Variants in FRMD5 observed in about 807,000 individuals in gnomAD.
FRMD5 encodes the protein FERM domain-containing protein 5.
Under a neutral mutation model 69.0 loss-of-function variants are expected in FRMD5, and 20 were observed. The ratio of observed to expected loss-of-function variants is 0.29; its 90% CI spans 0.20 to 0.42. FRMD5 has a LOEUF of 0.42. Ranked by LOEUF, FRMD5 falls within the 10% of genes least tolerant of loss-of-function variation. The pLI is 1.00. For missense variants in FRMD5, 595 were observed against 708.6 expected, an observed-to-expected ratio of 0.84 and a Z score of 1.82; for synonymous variants, 271 against 260.1, an observed-to-expected ratio of 1.04 and a Z score of -0.40.
At position 44,075,324 on chromosome 15, in the gene FRMD5, A is replaced by G. The variant is rs149465928; in HGVS notation, c.102+119629T>C. ...AACTGGAAATTCTAAAGTGGTGCCAATTTTGAAGGAAAATGAATAAATTTC... is the reference window on the plus strand; with the variant it reads ...AACTGGAAATTCTAAAGTGGTGCCAGTTTTGAAGGAAAATGAATAAATTTC... On this transcript the variant is annotated intron_variant, in intron 1 of 13. Transcript: ENST00000417257. Among the ~76,000 whole-genome samples, 132 of 152,262 alleles carry G rather than the reference A, an allele frequency of 8.7e-4. 4 individuals carry two copies. The East Asian group carries it at 0.025, about 29-fold the overall frequency.
chr15:44,081,203 T>C (rs945973647), intron 1 of FRMD5, among the ~76,000 whole-genome samples: 1 of 152,122 alleles, frequency 6.6e-6, no homozygotes, highest in Non-Finnish European at 1.5e-5. Flanking sequence ...AAAAAATTCA[T>C]TACACTCCAT....
At chr15:44,058,106 C>T (rs1375608215) in intron 1 of FRMD5, among the ~76,000 whole-genome samples, 1 of 152,146 alleles carries the variant, frequency 6.6e-6, no homozygotes, top group African/African-American at 2.4e-5. Flanking sequence ...CCAAATCTCA[C>T]AAATCCAATA....
At chr15:44,136,774 G>A (rs2077193221) in intron 1 of FRMD5, among the ~76,000 whole-genome samples, 1 of 152,142 alleles carries the variant, frequency 6.6e-6, no homozygotes, top group South Asian at 2.1e-4. Context: ...ATCAATAATG[G>A]TTTTACATAC....
chr15:43,906,869 G>A (rs1182775505), intron 5 of FRMD5, among the ~76,000 whole-genome samples: 1 of 152,014 alleles, frequency 6.6e-6, no homozygotes, highest in East Asian at 1.9e-4. Context: ...CCAAAGTGCT[G>A]GGATTACAGG....
chr15:44,178,961 C>G (rs1344808981), intron 1 of FRMD5, among the ~76,000 whole-genome samples: 1 of 151,266 alleles, frequency 6.6e-6, no homozygotes, highest in Admixed American at 6.6e-5. Flanking sequence ...CACTGTACTC[C>G]AGCCTGGGCA....
chr15:44,064,225 C>A (rs971885493), intron 1 of FRMD5: 2 of 176,640 alleles, frequency 1.1e-5, no homozygotes, highest in Non-Finnish European at 2.4e-5. Context: ...CTCCCACCAC[C>A]ACTGTGTCTG....
At chr15:43,962,253 C>T (rs1321554429) in intron 1 of FRMD5, among the ~76,000 whole-genome samples, 1 of 152,146 alleles carries the variant, frequency 6.6e-6, no homozygotes, top group Non-Finnish European at 1.5e-5. Context: ...CATTCTTAAA[C>T]ACCAATAACA....
chr15:44,151,755 A>G (rs1194308815), intron 1 of FRMD5, among the ~76,000 whole-genome samples: 1 of 152,202 alleles, frequency 6.6e-6, no homozygotes, highest in Non-Finnish European at 1.5e-5. Flanking sequence ...TTTGGACTTC[A>G]TGAAAATTAT....
intron 1 of FRMD5, among the ~76,000 whole-genome samples, chr15:44,050,844 G>C (rs1387792672): frequency 6.6e-6 from 1 of 151,748 alleles, no homozygotes; most frequent in Non-Finnish European, 1.5e-5. Context: ...TTTTAGTAGA[G>C]ACGGGGTTTC....
chr15:44,130,634 C>T (rs2077085551), intron 1 of FRMD5, among the ~76,000 whole-genome samples: 1 of 152,160 alleles, frequency 6.6e-6, no homozygotes, highest in Non-Finnish European at 1.5e-5. Context: ...TCAGAAGGTA[C>T]ATATTTCTTC....
intron 1 of FRMD5, among the ~76,000 whole-genome samples, chr15:44,104,465 C>T (rs1001826158): frequency 6.6e-6 from 1 of 152,222 alleles, no homozygotes; most frequent in Non-Finnish European, 1.5e-5. Context: ...TCACCACTCA[C>T]TCACTGATTC....
At chr15:44,070,165 A>G (rs948785055) in intron 1 of FRMD5, among the ~76,000 whole-genome samples, 2 of 152,124 alleles carry the variant, frequency 1.3e-5, no homozygotes, top group African/African-American at 2.4e-5. Context: ...GGGTAAATTA[A>G]TGATACCTGA....
intron 1 of FRMD5, among the ~76,000 whole-genome samples, chr15:44,154,807 G>A (rs2077501297): frequency 6.6e-6 from 1 of 152,166 alleles, no homozygotes; most frequent in Non-Finnish European, 1.5e-5. Context: ...CAGCTAAGGG[G>A]TGCAGGGTTT....
chr15:44,066,884 T>A (rs748861536), intron 1 of FRMD5, among the ~76,000 whole-genome samples: 2 of 152,028 alleles, frequency 1.3e-5, no homozygotes, highest in Non-Finnish European at 2.9e-5. Context: ...AAAATAAAAT[T>A]GGGCAAAGCT....
intron 1 of FRMD5, among the ~76,000 whole-genome samples, chr15:44,049,936 T>C (rs1012377586): frequency 1.3e-5 from 2 of 152,232 alleles, no homozygotes; most frequent in Non-Finnish European, 2.9e-5. Flanking sequence ...ATGATTTAGT[T>C]GTTTATAAAC....
At chr15:43,945,093 T>C (rs1266692344) in intron 1 of FRMD5, among the ~76,000 whole-genome samples, 3 of 152,118 alleles carry the variant, frequency 2.0e-5, no homozygotes, top group Non-Finnish European at 4.4e-5. Flanking sequence ...GGCAGGTTTC[T>C]ATGAGTTTAT....
At chr15:44,109,253 T>C (rs1003616662) in intron 1 of FRMD5, among the ~76,000 whole-genome samples, 2 of 152,122 alleles carry the variant, frequency 1.3e-5, no homozygotes, top group Admixed American at 6.5e-5. Context: ...CTTTTTCTTA[T>C]ATATCTTGAT....
At chr15:44,043,566 C>T (rs1892298466) in intron 1 of FRMD5, among the ~76,000 whole-genome samples, 1 of 151,940 alleles carries the variant, frequency 6.6e-6, no homozygotes, top group South Asian at 2.1e-4. Context: ...GGTACTGGTA[C>T]CAAAACAGAT....
At chr15:44,098,107 T>G (rs1175055515) in intron 1 of FRMD5, among the ~76,000 whole-genome samples, 2 of 23,984 alleles carry the variant, frequency 8.3e-5, no homozygotes, top group African/African-American at 2.2e-4. Context: ...AAGTTCAGAG[T>G]GACAAAACAA....
Sources: allele counts gnomAD v4.1 joint callset (sites outside exome capture counted in the v4.1 genomes callset), GRCh38; gene constraint gnomAD v4.1.1; transcripts MANE v1.5; gene names NCBI Gene and HGNC (gene_info 2026-07-23, HGNC 2026-07-21).